Variants in PGM5 observed in about 807,000 individuals in gnomAD.
PGM5 encodes phosphoglucomutase-like protein 5.
A neutral mutation model predicts 59.2 loss-of-function variants in PGM5; 23 were observed. The observed-to-expected ratio is 0.39, with a 90% CI of 0.28 to 0.55. The LOEUF (loss-of-function observed/expected upper bound fraction) is 0.55, where lower values mean the gene tolerates loss of function less well. Ranked by LOEUF, PGM5 falls within the 20% of genes least tolerant of loss-of-function variation. The pLI, the probability that PGM5 is intolerant of heterozygous loss-of-function variation, is 0.66. For missense variants in PGM5, 574 were observed against 748.3 expected (o/e 0.77, Z 2.72); for synonymous variants, 214 against 286.0 (o/e 0.75, Z 2.54).
chr9:68,385,439 G>T (rs1209001781), intron 3 of PGM5, among the ~76,000 whole-genome samples: 6 of 152,080 alleles, frequency 3.9e-5, no homozygotes, highest in Non-Finnish European at 7.4e-5. Flanking sequence ...ATAGAGAAAA[G>T]ATTAAAATGG....
In PGM5 at chr9:68,494,222, T is replaced by TA. The variant is rs536822739; in HGVS notation, c.1480-4993dup. 1.5e-3 allele frequency among the ~76,000 whole-genome samples: 226 copies of TA among 145,992 alleles called. 2 individuals carry two copies. Among genetic ancestry groups the TA allele is most frequent in the South Asian group, 9.7e-3 (45 of 4,650 alleles). On this transcript the variant is annotated intron_variant, in intron 9 of 10. Transcript: ENST00000396396. ...CCAGGAATTCCTACGAAGACTGTGC[T>TA]AAAAAAAAAAAATAATAATGTCAGA... is the stretch of plus-strand genomic sequence containing the variant.
In PGM5 at chr9:68,529,710, T is replaced by C. The variant is rs1825051301; in HGVS notation, c.*54T>C. ...AAGAGAGTGCTCAGCGGGAGATGCTTCACTGATGCCTTCTTGCTACCTGTT... is the reference window on the plus strand; with the variant it reads ...AAGAGAGTGCTCAGCGGGAGATGCTCCACTGATGCCTTCTTGCTACCTGTT... On this transcript the variant is annotated 3_prime_UTR_variant, in exon 11 of 11. Transcript: ENST00000396396. The C allele has an allele frequency of 3.8e-6, 4 of 1,046,310 alleles. No individual in the cohort carries two copies. The highest frequency in any genetic ancestry group is 5.5e-6 in the Non-Finnish European group (4 of 726,288). The allele number at this position is 1,046,310 out of a possible 1,614,324, so 64.8% of individuals were successfully genotyped here.
At chr9:68,375,606 G>A (rs2888942) in intron 1 of PGM5, among the ~76,000 whole-genome samples, 47,027 of 151,944 alleles carry the variant, frequency 0.31, 7,513 homozygotes, top group Admixed American at 0.36. Flanking sequence ...TTTATTGTAC[G>A]CTTACCACAT....
chr9:68,475,031 G>C (rs1824081624), intron 7 of PGM5, among the ~76,000 whole-genome samples: 1 of 149,406 alleles, frequency 6.7e-6, no homozygotes, highest in Admixed American at 6.7e-5. Flanking sequence ...TGTTTTTTTT[G>C]AGACGGAGTT....
chr9:68,378,192 G>A lies in PGM5; in HGVS notation c.262-7G>A. On this transcript the variant is annotated splice_region_variant and splice_polypyrimidine_tract_variant and intron_variant, in intron 1 of 10. Coordinates refer to ENST00000396396, the MANE Select transcript of PGM5 (RefSeq NM_021965.4). Reference sequence around the variant, plus strand: ...ACTGGATTGATTTTTTTTTTTGGATGGTTTAGATTGGACGACTGATTATTG... The same window carrying A: ...ACTGGATTGATTTTTTTTTTTGGATAGTTTAGATTGGACGACTGATTATTG... The A allele has an allele frequency of 6.6e-7, 1 of 1,518,666 alleles. No homozygotes were observed. Among genetic ancestry groups the A allele is most frequent in the Non-Finnish European group, 8.8e-7 (1 of 1,136,276 alleles). 94.1% of individuals were successfully genotyped at this position (1,518,666 alleles called of 1,614,324 possible).
At chr9:68,445,162 T>G (rs1823591781) in intron 6 of PGM5, among the ~76,000 whole-genome samples, 1 of 152,044 alleles carries the variant, frequency 6.6e-6, no homozygotes, top group African/African-American at 2.4e-5. Flanking sequence ...ATAGCAGTGG[T>G]CTTCAAATGT....
chr9:68,417,545 A>G (rs1464861590), intron 6 of PGM5, among the ~76,000 whole-genome samples: 1 of 152,160 alleles, frequency 6.6e-6, no homozygotes, highest in African/African-American at 2.4e-5. Context: ...ATTCAGGGTG[A>G]TATTCAAAAT....
chr9:68,413,403 G>T (rs1340755112), intron 6 of PGM5, among the ~76,000 whole-genome samples: 5 of 152,072 alleles, frequency 3.3e-5, no homozygotes, highest in Non-Finnish European at 7.4e-5. Context: ...AAACAGCTAT[G>T]CAAACACACA....
At chr9:68,401,648 G>T (rs1447672133) in intron 6 of PGM5, among the ~76,000 whole-genome samples, 1 of 151,628 alleles carries the variant, frequency 6.6e-6, no homozygotes, top group African/African-American at 2.4e-5. Context: ...CATGTGGCGT[G>T]CTGTTGTTCT....
intron 7 of PGM5, among the ~76,000 whole-genome samples, chr9:68,473,120 A>G (rs879961011): frequency 2.0e-5 from 3 of 152,206 alleles, no homozygotes; most frequent in Non-Finnish European, 4.4e-5. Flanking sequence ...ATCGATCTCC[A>G]TCACAATTCT....
chr9:68,427,805 ATGATGCCTC>A, intron 6 of PGM5, among the ~76,000 whole-genome samples: 1 of 152,190 alleles, frequency 6.6e-6, no homozygotes, highest in East Asian at 1.9e-4. Context: ...TAGGTTTTCC[ATGATGCCTC>A]TGGTAGTGCT....
At chr9:68,465,865 T>A (rs1020550019) in intron 7 of PGM5, among the ~76,000 whole-genome samples, 13 of 152,328 alleles carry the variant, frequency 8.5e-5, no homozygotes, top group Admixed American at 2.6e-4. Context: ...CAATATTTTT[T>A]AATCTTTGAT....
chr9:68,402,279 G>A (rs1338076459), intron 6 of PGM5: 2 of 152,176 alleles, frequency 1.3e-5, no homozygotes, highest in African/African-American at 4.8e-5. Flanking sequence ...AATAAAAAAA[G>A]AAGTAATGAA....
chr9:68,440,355 T>C (rs1458299531), intron 6 of PGM5, among the ~76,000 whole-genome samples: 1 of 152,068 alleles, frequency 6.6e-6, no homozygotes, highest in Non-Finnish European at 1.5e-5. Context: ...ACTAACTAAA[T>C]GTAAAAGAAC....
intron 7 of PGM5, among the ~76,000 whole-genome samples, chr9:68,469,965 A>G (rs1175476282): frequency 6.6e-6 from 1 of 152,236 alleles, no homozygotes; most frequent in African/African-American, 2.4e-5. Flanking sequence ...AAGATTTATA[A>G]AACAAAATCA....
chr9:68,494,431 A>G (rs561758743), intron 9 of PGM5, among the ~76,000 whole-genome samples: 1 of 152,328 alleles, frequency 6.6e-6, no homozygotes, highest in African/African-American at 2.4e-5. Flanking sequence ...CATGTAGCAC[A>G]GTCCAGTCAC....
intron 10 of PGM5, among the ~76,000 whole-genome samples, chr9:68,520,902 G>A (rs1453158277): frequency 6.6e-6 from 1 of 152,210 alleles, no homozygotes; most frequent in East Asian, 1.9e-4. Flanking sequence ...TAAATTGTTT[G>A]CATTTCCCTG....
chr9:68,509,155 G>C (rs1408770503), intron 10 of PGM5, among the ~76,000 whole-genome samples: 4 of 152,166 alleles, frequency 2.6e-5, no homozygotes, highest in African/African-American at 9.7e-5. Flanking sequence ...ATTTAAGTTT[G>C]ATGCCCTAAT....
chr9:68,491,453 AG>A (rs1323118351), intron 9 of PGM5, among the ~76,000 whole-genome samples: 2 of 152,210 alleles, frequency 1.3e-5, no homozygotes, highest in African/African-American at 4.8e-5. Flanking sequence ...GGTTTCCTAT[AG>A]GCATTCTCAA....
Sources: allele counts gnomAD v4.1 joint callset (sites outside exome capture counted in the v4.1 genomes callset), GRCh38; gene constraint gnomAD v4.1.1; transcripts MANE v1.5; gene names NCBI Gene and HGNC (gene_info 2026-07-23, HGNC 2026-07-21).